The following PDZD2 variants were observed in gnomAD, a reference collection of about 807,000 sequenced individuals.
The protein encoded by PDZD2 is PDZ domain containing 2, also known as PDZ domain-containing protein 2.
A neutral mutation model predicts 220.7 loss-of-function variants in PDZD2; 90 were observed. The ratio of observed to expected loss-of-function variants is 0.41; its 90% CI spans 0.34 to 0.49. The LOEUF (loss-of-function observed/expected upper bound fraction) is 0.49, where lower values mean the gene tolerates loss of function less well. Among genes scored for constraint, PDZD2 ranks in the 20% least tolerant of loss-of-function variants. The pLI is 0.28. For missense variants in PDZD2, 3,174 were observed against 3,608.5 expected (o/e 0.88, Z 3.08); for synonymous variants, 1,375 against 1,450.5 (o/e 0.95, Z 1.18).
intron 4 of PDZD2, among the ~76,000 whole-genome samples, chr5:31,995,945 C>T (rs1318022662): frequency 6.6e-6 from 1 of 152,164 alleles, no homozygotes. Context: ...TCTTCTAAAA[C>T]AAGGAGAGAG....
At chr5:31,984,684 T>C (rs1223908647) in intron 3 of PDZD2, among the ~76,000 whole-genome samples, 1 of 152,098 alleles carries the variant, frequency 6.6e-6, no homozygotes, top group Non-Finnish European at 1.5e-5. Flanking sequence ...GGCAACATGG[T>C]GGAACCCTGT....
chr5:31,925,217 C>G (rs757816872), intron 2 of PDZD2, among the ~76,000 whole-genome samples: 8 of 152,112 alleles, frequency 5.3e-5, no homozygotes, highest in Non-Finnish European at 7.4e-5. Flanking sequence ...TCAGACTATA[C>G]ATAAGTCTAT....
chr5:31,819,399 G>A (rs1755674395), intron 2 of PDZD2, among the ~76,000 whole-genome samples: 1 of 152,110 alleles, frequency 6.6e-6, no homozygotes, highest in Non-Finnish European at 1.5e-5. Flanking sequence ...GCCCACACTT[G>A]TAATCCCAGC....
rs556895042 is a variant in PDZD2 at position 31,752,589 on chromosome 5, T to C, written c.-360-46300T>C. Among the ~76,000 whole-genome samples the C allele has an allele frequency of 4.9e-4, 75 of 151,930 alleles. 1 individual carries two copies. The highest frequency in any genetic ancestry group is 1.5e-3 in the Admixed American group (23 of 15,250). ...AATAAAATAAAATAGGCGTTTTTTTTTCCCCCCCAGAGATGGAGTCTCCTT... is the reference window on the plus strand; with the variant it reads ...AATAAAATAAAATAGGCGTTTTTTTCTCCCCCCCAGAGATGGAGTCTCCTT... On this transcript the variant is annotated intron_variant, in intron 1 of 24. Coordinates refer to ENST00000438447, the MANE Select transcript of PDZD2 (RefSeq NM_178140.4).
At chr5:31,828,497 T>A (rs1297054840) in intron 2 of PDZD2, among the ~76,000 whole-genome samples, 1 of 152,186 alleles carries the variant, frequency 6.6e-6, no homozygotes. Flanking sequence ...TCTATTTATT[T>A]TATTTTTTAA....
intron 1 of PDZD2, among the ~76,000 whole-genome samples, chr5:31,664,630 C>T (rs1162677531): frequency 6.6e-6 from 1 of 152,188 alleles, no homozygotes; most frequent in Non-Finnish European, 1.5e-5. Context: ...CTAGGAACAA[C>T]CGTTTCAAGG....
chr5:32,095,560 C>A (rs28703769), intron 21 of PDZD2, among the ~76,000 whole-genome samples: 4,548 of 152,214 alleles, frequency 0.03, 263 homozygotes, highest in African/African-American at 0.1. Flanking sequence ...GATGGTTGAT[C>A]TGGCCGCCCT....
At position 31,799,210 on chromosome 5, in the gene PDZD2, C is replaced by A. The variant is rs1422936364; in HGVS notation, c.-39C>A. The A allele has an allele frequency of 2.1e-6, 3 of 1,446,624 alleles. No individual in the cohort carries two copies. Among genetic ancestry groups the A allele is most frequent in the Non-Finnish European group, 2.8e-6 (3 of 1,053,396 alleles). The allele number at this position is 1,446,624 out of a possible 1,614,324, so 89.6% of individuals were successfully genotyped here. A position where few individuals can be genotyped will look rare whatever the true frequency, so the allele number is the denominator to read the frequency against. On this transcript the variant is annotated 5_prime_UTR_variant, in exon 2 of 25. Transcript: ENST00000438447. The stretch of plus-strand genomic sequence containing the variant: ...CCCTGTGGGGTCTGGCCCCCAGGAG[C>A]AAGACCTCTGATGATGCTGGTGTCT...
At chr5:31,993,859 A>G (rs1751423716) in intron 3 of PDZD2, among the ~76,000 whole-genome samples, 1 of 152,218 alleles carries the variant, frequency 6.6e-6, no homozygotes, top group African/African-American at 2.4e-5. Flanking sequence ...CTAAATAGCT[A>G]AGGACTTGGG....
intron 1 of PDZD2, among the ~76,000 whole-genome samples, chr5:31,701,021 G>A (rs570139112): frequency 1.3e-5 from 2 of 152,332 alleles, no homozygotes; most frequent in South Asian, 4.1e-4. Flanking sequence ...GTGCCCAAGG[G>A]GGGACAGGTG....
intron 2 of PDZD2, among the ~76,000 whole-genome samples, chr5:31,801,333 A>T (rs1485151048): frequency 1.3e-5 from 2 of 151,886 alleles, no homozygotes; most frequent in Non-Finnish European, 2.9e-5. Context: ...AAATGATTTT[A>T]TTTGGGATTA....
chr5:31,938,779 A>C (rs1434796796), intron 2 of PDZD2, among the ~76,000 whole-genome samples: 1 of 152,170 alleles, frequency 6.6e-6, no homozygotes. Context: ...AGGCCCTCCA[A>C]CCTTACCTCT....
chr5:31,968,481 C>G (rs1449751377), intron 2 of PDZD2, among the ~76,000 whole-genome samples: 2 of 152,296 alleles, frequency 1.3e-5, no homozygotes, highest in African/African-American at 4.8e-5. Flanking sequence ...TGGAGAAACC[C>G]TGTCTCTACT....
At chr5:31,786,497 T>C (rs1580753281) in intron 1 of PDZD2, among the ~76,000 whole-genome samples, 2 of 152,190 alleles carry the variant, frequency 1.3e-5, no homozygotes, top group East Asian at 3.8e-4. Context: ...AGCACATAAA[T>C]ATAAAACCAC....
At chr5:31,901,223 G>A (rs1742065203) in intron 2 of PDZD2, among the ~76,000 whole-genome samples, 1 of 152,058 alleles carries the variant, frequency 6.6e-6, no homozygotes, top group East Asian at 1.9e-4. Flanking sequence ...TTTGAGACCA[G>A]CGTGAACAAC....
intron 5 of PDZD2, among the ~76,000 whole-genome samples, chr5:32,003,869 G>A (rs1367381831): frequency 6.6e-6 from 1 of 152,052 alleles, no homozygotes; most frequent in African/African-American, 2.4e-5. Flanking sequence ...CCACCACCAC[G>A]TCTGGCTAAT....
intron 1 of PDZD2, among the ~76,000 whole-genome samples, chr5:31,658,894 C>T (rs1013590073): frequency 6.6e-6 from 1 of 152,324 alleles, no homozygotes; most frequent in East Asian, 1.9e-4. Flanking sequence ...GCTGGGATTA[C>T]AGGCGTGAGC....
chr5:31,685,060 C>G (rs1046225303), intron 1 of PDZD2, among the ~76,000 whole-genome samples: 1 of 152,176 alleles, frequency 6.6e-6, no homozygotes, highest in East Asian at 1.9e-4. Flanking sequence ...TTTCATGTTG[C>G]ACCATTGCCC....
intron 1 of PDZD2, among the ~76,000 whole-genome samples, chr5:31,757,919 T>C (rs1751396125): frequency 6.6e-6 from 1 of 152,234 alleles, no homozygotes; most frequent in Non-Finnish European, 1.5e-5. Flanking sequence ...CTTCATGCCC[T>C]ATAAAGTGCT....
Sources: gnomAD v4.1 joint callset for allele counts (sites outside exome capture counted in the v4.1 genomes callset) on GRCh38, gnomAD v4.1.1 for gene constraint, MANE v1.5 for transcripts, NCBI Gene and HGNC (gene_info 2026-07-23, HGNC 2026-07-21) for gene names.